CTNNBL1: variants seen among roughly 807,000 people sequenced by gnomAD.
CTNNBL1 encodes beta-catenin-like protein 1.
A neutral mutation model predicts 72.7 loss-of-function variants in CTNNBL1; 31 were observed. That is an observed-to-expected ratio of 0.43 (90% CI 0.32 to 0.58). The LOEUF (loss-of-function observed/expected upper bound fraction) is 0.58, where lower values mean the gene tolerates loss of function less well. CTNNBL1 is among the 20% of genes least tolerant of loss of function. CTNNBL1 has a pLI of 0.08. For synonymous variants in CTNNBL1, 240 were observed against 267.3 expected, an observed-to-expected ratio of 0.90 and a Z score of 1.00; for missense variants, 534 against 725.1, an observed-to-expected ratio of 0.74 and a Z score of 3.03.
chr20:37,787,566 G>A (rs913212236), intron 10 of CTNNBL1, among the ~76,000 whole-genome samples: 38 of 150,418 alleles, frequency 2.5e-4, no homozygotes, highest in South Asian at 4.2e-4. Flanking sequence ...GGATGGTCTC[G>A]ATCTCCTGAC....
At chr20:37,851,035 C>T (rs1374477692) in intron 13 of CTNNBL1, among the ~76,000 whole-genome samples, 1 of 152,176 alleles carries the variant, frequency 6.6e-6, no homozygotes, top group African/African-American at 2.4e-5. Context: ...TTTAGTAGTG[C>T]TCCCAAGGAC....
chr20:37,707,101 A>G (rs1213043817), intron 1 of CTNNBL1, among the ~76,000 whole-genome samples: 3 of 152,178 alleles, frequency 2.0e-5, no homozygotes, highest in African/African-American at 7.2e-5. Flanking sequence ...AGGCTTTGTT[A>G]TTCCATTTCT....
intron 11 of CTNNBL1, among the ~76,000 whole-genome samples, chr20:37,825,213 C>T (rs2072147718): frequency 6.6e-6 from 1 of 151,902 alleles, no homozygotes; most frequent in Non-Finnish European, 1.5e-5. Context: ...ATTAGTCGGG[C>T]ATGGTGGCAG....
intron 13 of CTNNBL1, among the ~76,000 whole-genome samples, chr20:37,847,004 C>A (rs73111415): frequency 1.3e-5 from 2 of 152,276 alleles, no homozygotes; most frequent in Non-Finnish European, 2.9e-5. Flanking sequence ...AAATGAAAGA[C>A]CACTGCTCAT....
chr20:37,712,660 T>C (rs6125962), intron 1 of CTNNBL1, among the ~76,000 whole-genome samples: 23,569 of 152,228 alleles, frequency 0.15, 3,399 homozygotes, highest in African/African-American at 0.38. Context: ...AAAGAACTGT[T>C]CCTAATGAAA....
intron 1 of CTNNBL1, among the ~76,000 whole-genome samples, chr20:37,717,650 C>T (rs1265685681): frequency 1.8e-4 from 27 of 148,294 alleles, no homozygotes; most frequent in Non-Finnish European, 3.3e-4. Flanking sequence ...GGGTGTTTCT[C>T]GCAGAGGGGG....
intron 10 of CTNNBL1, 110 bp from the exon 11 acceptor site, chr20:37,802,757 A>G: frequency 4.8e-6 from 4 of 830,638 alleles, no homozygotes; most frequent in Non-Finnish European, 7.6e-6. Flanking sequence ...ACAAGTATGT[A>G]ATATTTCCAT....
intron 1 of CTNNBL1, among the ~76,000 whole-genome samples, chr20:37,724,475 C>T (rs1042178324): frequency 6.6e-6 from 1 of 152,102 alleles, no homozygotes; most frequent in African/African-American, 2.4e-5. Context: ...GGAAAGGTTT[C>T]TCCTCAATTG....
chr20:37,860,064 T>A, intron 14 of CTNNBL1, 28 bp downstream of exon 14: 1 of 1,610,496 alleles, frequency 6.2e-7, no homozygotes, highest in Non-Finnish European at 8.5e-7. Context: ...TGGATGGGCT[T>A]ATCCATCCCT....
chr20:37,765,233 C>G lies in CTNNBL1; in HGVS notation c.601C>G (p.Leu201Val). 6.4e-7 allele frequency: 1 copy of G among 1,551,548 alleles called. No homozygotes were observed. The highest frequency in any genetic ancestry group is 8.7e-7 in the Non-Finnish European group (1 of 1,146,866). Residue 201 changes from leucine to valine, a missense_variant, in exon 6 of 16, where the codon CTG becomes GTG. Leu to Val is a conservative substitution (Grantham distance 32). Transcript: ENST00000361383. ...GGTGGTAGCACTGCTGGTACAGAATCTGGAGCGCCTGGATGAGTCTGTGAA... is the reference window on the plus strand; with the variant it reads ...GGTGGTAGCACTGCTGGTACAGAATGTGGAGCGCCTGGATGAGTCTGTGAA... ...GQVVALLVQN[L>V]ERLDESVKEE...
At chr20:37,767,337 G>A (rs931394048) in intron 6 of CTNNBL1, among the ~76,000 whole-genome samples, 1 of 151,996 alleles carries the variant, frequency 6.6e-6, no homozygotes, top group Non-Finnish European at 1.5e-5. Flanking sequence ...TTTCTATTAA[G>A]CAACACTTTG....
At chr20:37,762,461 T>A (rs1008105188) in intron 5 of CTNNBL1, among the ~76,000 whole-genome samples, 1 of 152,170 alleles carries the variant, frequency 6.6e-6, no homozygotes, top group African/African-American at 2.4e-5. Context: ...GATCATGCCC[T>A]TGAACTTTAA....
chr20:37,764,380 G>A (rs1600473003), intron 5 of CTNNBL1, among the ~76,000 whole-genome samples: 1 of 152,142 alleles, frequency 6.6e-6, no homozygotes, highest in Non-Finnish European at 1.5e-5. Flanking sequence ...AGTCTCCTTA[G>A]AACACAGATT....
intron 1 of CTNNBL1, among the ~76,000 whole-genome samples, chr20:37,711,952 G>A (rs75703916): frequency 0.023 from 3,490 of 152,168 alleles, 122 homozygotes; most frequent in African/African-American, 0.081. Context: ...AGCCATTAGG[G>A]GTTTTAAGCT....
rs1273917051 is a variant in CTNNBL1, at chr20:37,777,637, A to G, written c.824-17A>G. 9.9e-6 allele frequency: 16 copies of G among 1,611,758 alleles called. No individual in the cohort carries two copies. Among genetic ancestry groups the G allele is most frequent in the Non-Finnish European group, 1.4e-5 (16 of 1,178,618 alleles). On this transcript the variant is annotated splice_polypyrimidine_tract_variant and intron_variant, in intron 8 of 15. Coordinates refer to ENST00000361383, the MANE Select transcript of CTNNBL1 (RefSeq NM_030877.5). Reference sequence around the variant, plus strand: ...TTAGGTTCATTTTTTTTCTTCCTCTATTTTTTTCCCCTTTAGAAAACAGGG... The same window carrying G: ...TTAGGTTCATTTTTTTTCTTCCTCTGTTTTTTTCCCCTTTAGAAAACAGGG...
At chr20:37,835,433 AAAG>A (rs1304018921) in intron 11 of CTNNBL1, among the ~76,000 whole-genome samples, 5 of 152,350 alleles carry the variant, frequency 3.3e-5, no homozygotes, top group Non-Finnish European at 5.9e-5. Context: ...ATGCTAATCA[AAAG>A]AAGATCTCAT....
intron 11 of CTNNBL1, among the ~76,000 whole-genome samples, chr20:37,823,385 C>T (rs2072128322): frequency 6.6e-6 from 1 of 152,180 alleles, no homozygotes; most frequent in South Asian, 2.1e-4. Context: ...CATAAGGCCG[C>T]CTTGGGTCTG....
intron 1 of CTNNBL1, among the ~76,000 whole-genome samples, chr20:37,700,776 G>A (rs1403694380): frequency 6.6e-6 from 1 of 152,130 alleles, no homozygotes; most frequent in Non-Finnish European, 1.5e-5. Context: ...TTCCAATAAA[G>A]AATTCACATT....
At chr20:37,835,521 G>A (rs1458578505) in intron 11 of CTNNBL1, among the ~76,000 whole-genome samples, 1 of 152,142 alleles carries the variant, frequency 6.6e-6, no homozygotes, top group African/African-American at 2.4e-5. Flanking sequence ...GAAGACAGAT[G>A]CTCATATATA....
Sources: allele counts gnomAD v4.1 joint callset (sites outside exome capture counted in the v4.1 genomes callset), GRCh38; gene constraint gnomAD v4.1.1; transcripts MANE v1.5; gene names NCBI Gene and HGNC (gene_info 2026-07-23, HGNC 2026-07-21).